The following LGSN variants were observed in gnomAD, a reference collection of about 807,000 sequenced individuals.
LGSN encodes lengsin, lens protein with glutamine synthetase domain.
A neutral mutation model predicts 19.5 loss-of-function variants in LGSN; 21 were observed. The observed-to-expected ratio is 1.07, with a 90% CI of 0.76 to 1.55. The LOEUF (loss-of-function observed/expected upper bound fraction) is 1.55. LGSN is among the 40% of genes most tolerant of loss of function. The probability of loss-of-function intolerance (pLI) is 0.00; values close to 1 mark genes in which losing one functional copy is unlikely to be tolerated. For synonymous variants in LGSN, 257 were observed against 215.6 expected, an observed-to-expected ratio of 1.19 and a Z score of -1.68; for missense variants, 673 against 608.5, an observed-to-expected ratio of 1.11 and a Z score of -1.12.
the LGSN span, among the ~76,000 whole-genome samples, chr6:63,532,051 G>A: frequency 2.0e-5 from 3 of 151,984 alleles, no homozygotes; most frequent in African/African-American, 7.3e-5. Flanking sequence ...CACCCACCTC[G>A]GCCTCCCAGA....
the LGSN span, among the ~76,000 whole-genome samples, chr6:63,426,669 A>G: frequency 1.2e-4 from 18 of 152,010 alleles, no homozygotes; most frequent in Non-Finnish European, 2.5e-4. Flanking sequence ...TGTGGTGCCA[A>G]TATGCCTGGC....
the LGSN span, among the ~76,000 whole-genome samples, chr6:63,412,689 G>A: frequency 3.5e-4 from 36 of 102,494 alleles, no homozygotes; most frequent in Middle Eastern, 5.8e-3. Flanking sequence ...AAGAAAGAAA[G>A]AGAAAGAAAG....
rs905110165 is a variant in LGSN at position 63,281,138 on chromosome 6, A to C, written c.413T>G (p.Ile138Arg). ...PNPKDNEMNN[I>R]RATCFNSDIV... ...GTCGCTATTAAAACATGTGGCTCTT[A>C]TGTTATTCATTTCATTGTCCTTTGG... Residue 138 changes from isoleucine to arginine, a missense_variant, in exon 4 of 4, where the codon ATA becomes AGA. Transcript: ENST00000370657. 1.1e-5 allele frequency: 18 copies of C among 1,613,550 alleles called. No individual in the cohort carries two copies. The highest frequency in any genetic ancestry group is 1.4e-5 in the Non-Finnish European group (17 of 1,179,918).
At chr6:63,503,012 C>A in the LGSN span, among the ~76,000 whole-genome samples, 1 of 151,986 alleles carries the variant, frequency 6.6e-6, no homozygotes, top group East Asian at 1.9e-4. Flanking sequence ...ATATTTTTTG[C>A]CATAAGAAAA....
the LGSN span, among the ~76,000 whole-genome samples, chr6:63,432,173 A>AAAGAAAGAAAG: frequency 4.7e-4 from 14 of 29,546 alleles, 1 homozygote; most frequent in African/African-American, 1.4e-3. Flanking sequence ...AAGAAAGAAA[A>AAAGAAAGAAAG]GGAAAGAAAG....
the LGSN span, among the ~76,000 whole-genome samples, chr6:63,418,323 G>A: frequency 6.6e-6 from 1 of 152,140 alleles, no homozygotes; most frequent in African/African-American, 2.4e-5. Context: ...AGCACTTTGG[G>A]AGGCCGAGGT....
At chr6:63,489,665 C>T in the LGSN span, among the ~76,000 whole-genome samples, 8 of 151,998 alleles carry the variant, frequency 5.3e-5, no homozygotes, top group South Asian at 6.2e-4. Flanking sequence ...CCGCCACACC[C>T]GACCTGGATT....
At chr6:63,287,273 A>T (rs1460786854) in intron 2 of LGSN, among the ~76,000 whole-genome samples, 1 of 152,234 alleles carries the variant, frequency 6.6e-6, no homozygotes, top group African/African-American at 2.4e-5. Flanking sequence ...CAAACAATTA[A>T]ACTGTAGCAA....
rs34699811 is a variant in LGSN, at chr6:63,280,510, T to A, written c.1041A>T (p.Gly347=). The part of the protein sequence containing the change: ...LTITGKKWLA[G]LLKHSAALSC... ...TGAGCGCAGCAGAGTGCTTCAAGAGTCCTGCCAACCATTTTTTCCCAGTGA... is the reference window on the plus strand; with the variant it reads ...TGAGCGCAGCAGAGTGCTTCAAGAGACCTGCCAACCATTTTTTCCCAGTGA... Residue 347 remains glycine (G), a synonymous_variant, in exon 4 of 4, where the codon GGA becomes GGT. Coordinates refer to ENST00000370657, the MANE Select transcript of LGSN (RefSeq NM_016571.3). 2,049 of 1,613,892 alleles carry A rather than the reference T, an allele frequency of 1.3e-3. 16 individuals are homozygous for A. The African/African-American group carries it at 0.021, about 16-fold the overall frequency.
the LGSN span, among the ~76,000 whole-genome samples, chr6:63,404,426 T>C: frequency 2.6e-4 from 40 of 152,194 alleles, no homozygotes; most frequent in Non-Finnish European, 4.9e-4. Flanking sequence ...TTCTATTTAC[T>C]ATAGAAATCT....
the LGSN span, among the ~76,000 whole-genome samples, chr6:63,473,389 G>C: frequency 7.0e-6 from 1 of 142,316 alleles, no homozygotes; most frequent in African/African-American, 2.6e-5. Context: ...CACTAGAATA[G>C]CCTGAACCCA....
At chr6:63,408,043 T>C in the LGSN span, among the ~76,000 whole-genome samples, 1 of 152,180 alleles carries the variant, frequency 6.6e-6, no homozygotes, top group Non-Finnish European at 1.5e-5. Context: ...TACAAGGAAA[T>C]GGAAGAACAT....
At chr6:63,516,199 A>G in the LGSN span, among the ~76,000 whole-genome samples, 4 of 152,324 alleles carry the variant, frequency 2.6e-5, no homozygotes, top group East Asian at 7.7e-4. Flanking sequence ...TTTAATCTGT[A>G]CACCAGGCAA....
At chr6:63,537,926 G>C in the LGSN span, among the ~76,000 whole-genome samples, 1 of 152,188 alleles carries the variant, frequency 6.6e-6, no homozygotes, top group East Asian at 1.9e-4. Flanking sequence ...GCCCAGACAG[G>C]AGTTTAAAAG....
the LGSN span, among the ~76,000 whole-genome samples, chr6:63,538,923 CA>C: frequency 6.6e-6 from 1 of 152,110 alleles, no homozygotes; most frequent in Non-Finnish European, 1.5e-5. Flanking sequence ...GATGGAGTCT[CA>C]CTCTGTCACC....
chr6:63,312,917 G>T (rs1186676549), intron 1 of LGSN, among the ~76,000 whole-genome samples: 1 of 152,134 alleles, frequency 6.6e-6, no homozygotes, highest in Non-Finnish European at 1.5e-5. Flanking sequence ...AAAGACTTGA[G>T]AAAGGAAATT....
the LGSN span, among the ~76,000 whole-genome samples, chr6:63,475,741 C>T: frequency 6.6e-6 from 1 of 152,154 alleles, no homozygotes; most frequent in Non-Finnish European, 1.5e-5. Context: ...AAAGAAGAAG[C>T]AGCACATCAA....
the LGSN span, among the ~76,000 whole-genome samples, chr6:63,413,798 T>C: frequency 6.6e-6 from 1 of 152,224 alleles, no homozygotes; most frequent in Non-Finnish European, 1.5e-5. Context: ...TTTGCCTTAA[T>C]AGGATAAGAT....
the LGSN span, chr6:63,395,566 T>G: frequency 6.6e-6 from 1 of 152,418 alleles, no homozygotes; most frequent in Non-Finnish European, 1.5e-5. Flanking sequence ...TCAAAGCACT[T>G]AAGATCAGCC....
Sources: gnomAD v4.1 joint callset for allele counts (sites outside exome capture counted in the v4.1 genomes callset) on GRCh38, gnomAD v4.1.1 for gene constraint, MANE v1.5 for transcripts, NCBI Gene and HGNC (gene_info 2026-07-23, HGNC 2026-07-21) for gene names.